The following PIP4K2A variants were observed in gnomAD, a reference collection of about 807,000 sequenced individuals.
PIP4K2A encodes phosphatidylinositol-5-phosphate 4-kinase type 2 alpha, also known as phosphatidylinositol 5-phosphate 4-kinase type-2 alpha.
Under a neutral mutation model 42.9 loss-of-function variants are expected in PIP4K2A, and 14 were observed. That is an observed-to-expected ratio of 0.33 (90% CI 0.22 to 0.51). The LOEUF (loss-of-function observed/expected upper bound fraction) is 0.51. Among genes scored for constraint, PIP4K2A ranks in the 20% least tolerant of loss-of-function variants. The pLI is 0.97. For synonymous variants in PIP4K2A, 192 were observed against 192.2 expected (o/e 1.00, Z 0.01); for missense variants, 434 against 519.8 (o/e 0.83, Z 1.61).
chr10:22,666,085 G>GA (rs148024775), intron 1 of PIP4K2A, among the ~76,000 whole-genome samples: 6,847 of 151,954 alleles, frequency 0.045, 195 homozygotes, highest in Middle Eastern at 0.075. Flanking sequence ...CTATCTTTAG[G>GA]AAAAAATCTA....
intron 4 of PIP4K2A, among the ~76,000 whole-genome samples, chr10:22,590,407 A>T (rs1837484551): frequency 6.6e-6 from 1 of 152,100 alleles, no homozygotes; most frequent in Admixed American, 6.6e-5. Flanking sequence ...TATACCATGG[A>T]TGTTATCTTG....
intron 1 of PIP4K2A, among the ~76,000 whole-genome samples, chr10:22,688,964 TATC>T (rs1252687840): frequency 1.3e-5 from 2 of 152,250 alleles, no homozygotes; most frequent in African/African-American, 4.8e-5. Context: ...AATAATTGGC[TATC>T]ATCAAGAATT....
intron 1 of PIP4K2A, among the ~76,000 whole-genome samples, chr10:22,711,289 G>A (rs45537939): frequency 6.6e-6 from 1 of 152,062 alleles, no homozygotes; most frequent in South Asian, 2.1e-4. Flanking sequence ...CAATCAAATC[G>A]ACTTTGGCTT....
intron 4 of PIP4K2A, among the ~76,000 whole-genome samples, chr10:22,586,374 G>C (rs1837394863): frequency 6.6e-6 from 1 of 152,172 alleles, no homozygotes; most frequent in African/African-American, 2.4e-5. Flanking sequence ...TCGTAATTCT[G>C]CATCAGTGCC....
chr10:22,571,853 G>C (rs1473489984), intron 5 of PIP4K2A, among the ~76,000 whole-genome samples: 1 of 152,176 alleles, frequency 6.6e-6, no homozygotes, highest in Non-Finnish European at 1.5e-5. Context: ...GAATCAGACA[G>C]GACATTCCAA....
intron 1 of PIP4K2A, among the ~76,000 whole-genome samples, chr10:22,678,180 T>C (rs562704290): frequency 6.6e-6 from 1 of 152,138 alleles, no homozygotes; most frequent in African/African-American, 2.4e-5. Context: ...GTCTTCTCAG[T>C]GTTACCCCTG....
chr10:22,631,310 T>C (rs1393534225), intron 1 of PIP4K2A, among the ~76,000 whole-genome samples: 1 of 152,120 alleles, frequency 6.6e-6, no homozygotes, highest in African/African-American at 2.4e-5. Flanking sequence ...TTAGGAGGTA[T>C]TTAAGGCTAA....
chr10:22,561,213 T>G (rs1480691916), intron 6 of PIP4K2A, among the ~76,000 whole-genome samples: 1 of 152,172 alleles, frequency 6.6e-6, no homozygotes, highest in African/African-American at 2.4e-5. Context: ...TATTTTTTTT[T>G]AAAGCACTGT....
At chr10:22,689,631 T>C (rs532096418) in intron 1 of PIP4K2A, among the ~76,000 whole-genome samples, 1 of 152,268 alleles carries the variant, frequency 6.6e-6, no homozygotes, top group African/African-American at 2.4e-5. Context: ...GATTTTGGTA[T>C]GGGGAGTGGT....
chr10:22,591,063 A>G (rs1837498721), intron 4 of PIP4K2A, among the ~76,000 whole-genome samples: 2 of 152,200 alleles, frequency 1.3e-5, no homozygotes, highest in Non-Finnish European at 2.9e-5. Flanking sequence ...GGAGAGACAG[A>G]TTGCTGCTCC....
At chr10:22,681,617 T>C (rs1839662609) in intron 1 of PIP4K2A, among the ~76,000 whole-genome samples, 1 of 152,054 alleles carries the variant, frequency 6.6e-6, no homozygotes, top group Non-Finnish European at 1.5e-5. Flanking sequence ...AGAGGCTGCA[T>C]TGAGCCATGA....
intron 3 of PIP4K2A, among the ~76,000 whole-genome samples, chr10:22,600,881 T>C (rs892467453): frequency 1.4e-4 from 21 of 152,034 alleles, no homozygotes; most frequent in African/African-American, 5.1e-4. Context: ...ATCTAAGCTG[T>C]GATCTCAAGT....
intron 1 of PIP4K2A, among the ~76,000 whole-genome samples, chr10:22,658,826 A>G (rs1839150351): frequency 6.6e-6 from 1 of 152,230 alleles, no homozygotes; most frequent in South Asian, 2.1e-4. Context: ...CATTTTATAG[A>G]AGAAAAAACT....
At chr10:22,615,058 T>C (rs546247210) in intron 1 of PIP4K2A, among the ~76,000 whole-genome samples, 1 of 152,358 alleles carries the variant, frequency 6.6e-6, no homozygotes, top group Admixed American at 6.5e-5. Context: ...CCATTCTATA[T>C]GATCTACCCT....
intron 1 of PIP4K2A, among the ~76,000 whole-genome samples, chr10:22,689,775 A>C (rs1191012728): frequency 6.6e-6 from 1 of 152,232 alleles, no homozygotes; most frequent in African/African-American, 2.4e-5. Context: ...AGAAAGTGGA[A>C]ACATATGAGA....
intron 3 of PIP4K2A, among the ~76,000 whole-genome samples, chr10:22,594,445 G>T (rs942535867): frequency 6.6e-6 from 1 of 152,172 alleles, no homozygotes; most frequent in Non-Finnish European, 1.5e-5. Context: ...GCCCAGGCTG[G>T]AGTACAGTGG....
intron 1 of PIP4K2A, among the ~76,000 whole-genome samples, chr10:22,654,485 C>T (rs1002291830): frequency 6.6e-6 from 1 of 152,170 alleles, no homozygotes. Context: ...CTGTGAAAGG[C>T]GTTCTTAACA....
chr10:22,542,758 T>C (rs1488570906), intron 7 of PIP4K2A, among the ~76,000 whole-genome samples: 1 of 152,226 alleles, frequency 6.6e-6, no homozygotes, highest in Non-Finnish European at 1.5e-5. Context: ...CGATTTCTCT[T>C]TGTTTCCCTT....
chr10:22,671,301 G>C (rs190726659), intron 1 of PIP4K2A, among the ~76,000 whole-genome samples: 1 of 152,022 alleles, frequency 6.6e-6, no homozygotes, highest in African/African-American at 2.4e-5. Flanking sequence ...GAAAGAAGTG[G>C]GAAGAAAGAC....
Sources: allele counts gnomAD v4.1 joint callset (sites outside exome capture counted in the v4.1 genomes callset), GRCh38; gene constraint gnomAD v4.1.1; transcripts MANE v1.5; gene names NCBI Gene and HGNC (gene_info 2026-07-23, HGNC 2026-07-21).